DNAH2: variants seen among roughly 807,000 people sequenced by gnomAD.
DNAH2 encodes the protein dynein axonemal heavy chain 2, also known as axonemal beta dynein heavy chain 2.
In DNAH2, 323 loss-of-function variants were observed where a neutral mutation model predicts 523.5. The ratio of observed to expected loss-of-function variants is 0.62; its 90% CI spans 0.56 to 0.68. The LOEUF (loss-of-function observed/expected upper bound fraction) is 0.68, where lower values mean the gene tolerates loss of function less well. Ranked by LOEUF, DNAH2 falls within the 30% of genes least tolerant of loss-of-function variation. DNAH2 has a pLI of 0.00. For missense variants in DNAH2, 4,907 were observed against 5,701.5 expected (o/e 0.86, Z 4.49); for synonymous variants, 2,093 against 2,177.4 (o/e 0.96, Z 1.08).
rs1171230156 is a variant in DNAH2, at chr17:7,816,751, C to T, written c.9894+16C>T. The stretch of plus-strand genomic sequence containing the variant: ...GACAGTCCAGGTGAGATCAGCTGTA[C>T]TACCTGGTGTCCTTTCACTCTGCTC... On this transcript the variant is annotated intron_variant, in intron 64 of 85. Coordinates refer to ENST00000572933, the MANE Select transcript of DNAH2 (RefSeq NM_020877.5). The T allele has an allele frequency of 2.5e-6, 4 of 1,611,926 alleles. No individual in the cohort carries two copies. The highest frequency in any genetic ancestry group is 2.2e-5 in the East Asian group (1 of 44,852).
At chr17:7,776,623 C>T (rs2076460153) in intron 31 of DNAH2, among the ~76,000 whole-genome samples, 156 bp from the exon 32 acceptor site, 1 of 152,210 alleles carries the variant, frequency 6.6e-6, no homozygotes, top group African/African-American at 2.4e-5. Flanking sequence ...AAGCTGGACC[C>T]TTAGCTCCTG....
Position 7,798,100 on chromosome 17 carries a change from G to C in DNAH2, c.8231-57G>C. On this transcript the variant is annotated intron_variant, in intron 53 of 85. Transcript: ENST00000572933. This position sits in a 1 kb window ranked among gnomAD's most constrained non-coding sequence, Gnocchi z 5.5. ...GCCCCAATCCCTAGCCTAGGGCCTGGAGGTCCCCTGAGTTTGCTCAGCCAA... is the reference window on the plus strand; with the variant it reads ...GCCCCAATCCCTAGCCTAGGGCCTGCAGGTCCCCTGAGTTTGCTCAGCCAA... 6.5e-7 allele frequency: 1 copy of C among 1,527,442 alleles called. No homozygotes were observed. The highest frequency in any genetic ancestry group is 8.8e-7 in the Non-Finnish European group (1 of 1,137,060). 94.6% of individuals were successfully genotyped at this position (1,527,442 alleles called of 1,614,324 possible). A position where few individuals can be genotyped will look rare whatever the true frequency, so the allele number is the denominator to read the frequency against.
chr17:7,756,296 G>A (rs1015543594), intron 12 of DNAH2, among the ~76,000 whole-genome samples: 8 of 151,210 alleles, frequency 5.3e-5, no homozygotes, highest in Non-Finnish European at 8.8e-5. Flanking sequence ...TTTATTTTGA[G>A]ACAGAATCTA....
chr17:7,808,776 A>G (rs1469746425), intron 63 of DNAH2, among the ~76,000 whole-genome samples: 1 of 152,024 alleles, frequency 6.6e-6, no homozygotes, highest in Admixed American at 6.6e-5. Flanking sequence ...CGCCCGGCTG[A>G]TTTTTGTATT....
chr17:7,754,652 C>T lies in DNAH2; in HGVS notation c.1905-2439C>T. On this transcript the variant is annotated intron_variant, in intron 12 of 85. Transcript: ENST00000572933. The surrounding 1 kb of genome is among the most constrained non-coding windows in gnomAD (Gnocchi z 4.6). ...TTAAGCCCAAGATCCCAAAGGGTGTCAGCCATAAACTTGATCGACTTGCCT... is the reference window on the plus strand; with the variant it reads ...TTAAGCCCAAGATCCCAAAGGGTGTTAGCCATAAACTTGATCGACTTGCCT... 1 of 1,387,422 alleles carries T rather than the reference C, an allele frequency of 7.2e-7. No homozygotes were observed. The highest frequency in any genetic ancestry group is 1.0e-6 in the Non-Finnish European group (1 of 990,720). 85.9% of individuals were successfully genotyped at this position (1,387,422 alleles called of 1,614,324 possible).
At chr17:7,823,255 T>C (rs1001962751) in intron 73 of DNAH2, among the ~76,000 whole-genome samples, 187 bp from the exon 74 acceptor site, 2 of 149,292 alleles carry the variant, frequency 1.3e-5, no homozygotes, top group Admixed American at 6.7e-5. Flanking sequence ...GATTGTGCCA[T>C]TGCACTCTGG....
intron 58 of DNAH2, among the ~76,000 whole-genome samples, chr17:7,803,203 G>A (rs535513729): frequency 6.6e-6 from 1 of 152,182 alleles, no homozygotes; most frequent in African/African-American, 2.4e-5. Flanking sequence ...TACACCCGCC[G>A]CTTCTGATGC....
At chr17:7,793,297 T>A in intron 48 of DNAH2, 92 bp downstream of exon 48, 2 of 1,315,960 alleles carry the variant, frequency 1.5e-6, no homozygotes, top group Admixed American at 2.3e-5. Flanking sequence ...TATGGTCCTG[T>A]CATCTTGGAT....
intron 42 of DNAH2, 44 bp downstream of exon 42, chr17:7,787,077 C>T: frequency 6.2e-7 from 1 of 1,607,602 alleles, no homozygotes; most frequent in Non-Finnish European, 8.5e-7. Flanking sequence ...GAGGCAGGCA[C>T]CGGAGGGCGT....
chr17:7,732,006 G>A (rs1360979533), intron 4 of DNAH2, among the ~76,000 whole-genome samples: 1 of 144,110 alleles, frequency 6.9e-6, no homozygotes, highest in East Asian at 2.0e-4. Context: ...TCCAGCCTGG[G>A]CAACAACAGC....
chr17:7,793,524 CTCTTTCTTTCTT>C lies in DNAH2; in HGVS notation c.7569+321_7569+332del, dbSNP rs879547420. On this transcript the variant is annotated intron_variant, in intron 48 of 85. Transcript: ENST00000572933. ...CTTTCTTTCTTTCTTTCTTCTCTTT[CTCTTTCTTTCTT>C]TTTCTTTCTTCTCTTTCTTTCTCTT... Among the ~76,000 whole-genome samples the C allele has an allele frequency of 8.4e-3, 852 of 101,398 alleles. 16 individuals carry two copies. Among genetic ancestry groups the C allele is most frequent in the Non-Finnish European group, 0.011 (489 of 42,710 alleles). 66.5% of individuals were successfully genotyped at this position (101,398 alleles called of 152,430 possible).
At chr17:7,772,111 C>T (rs571678964) in intron 28 of DNAH2, among the ~76,000 whole-genome samples, 2 of 152,204 alleles carry the variant, frequency 1.3e-5, no homozygotes, top group Non-Finnish European at 2.9e-5. Context: ...AAGATGAACA[C>T]ATAGTGAGGC....
At chr17:7,723,107 C>A (rs2074674606) in intron 2 of DNAH2, among the ~76,000 whole-genome samples, 1 of 149,964 alleles carries the variant, frequency 6.7e-6, no homozygotes, top group African/African-American at 2.5e-5. Context: ...GTAGCTGGGA[C>A]TACAGGCTCC....
chr17:7,742,871 T>C, intron 11 of DNAH2, 57 bp from the exon 12 acceptor site: 1 of 1,269,438 alleles, frequency 7.9e-7, no homozygotes, highest in Non-Finnish European at 1.0e-6. Context: ...AGGGAGATGG[T>C]GGCCCCTGGA....
In DNAH2 at chr17:7,734,325, C is replaced by A. The variant is rs184328944; in HGVS notation, c.739+32C>A. The A allele has an allele frequency of 3.8e-5, 61 of 1,604,098 alleles. No individual in the cohort carries two copies. In the East Asian group the frequency reaches 1.1e-3, roughly 30 times the overall value. On this transcript the variant is annotated intron_variant, in intron 6 of 85. Transcript: ENST00000572933. ...GGCTGGCACTGCTAGCATCACCTGGCGATCACAGGGGAGAGGGAAAGGGGA... is the reference window on the plus strand; with the variant it reads ...GGCTGGCACTGCTAGCATCACCTGGAGATCACAGGGGAGAGGGAAAGGGGA...
intron 85 of DNAH2, 70 bp downstream of exon 85, chr17:7,833,291 C>T (rs565422270): frequency 1.2e-6 from 2 of 1,607,088 alleles, no homozygotes; most frequent in Admixed American, 1.7e-5. Flanking sequence ...TTCTCTGCTC[C>T]AGCCCATCCC....
At chr17:7,827,738 G>A (rs548389846) in intron 77 of DNAH2, among the ~76,000 whole-genome samples, 7 of 128,748 alleles carry the variant, frequency 5.4e-5, no homozygotes, top group South Asian at 2.8e-4. Context: ...CAGCCACTGC[G>A]CCCAGCCAAT....
chr17:7,751,346 G>C (rs563844822), intron 12 of DNAH2, among the ~76,000 whole-genome samples: 2 of 151,952 alleles, frequency 1.3e-5, no homozygotes, highest in Non-Finnish European at 2.9e-5. Context: ...ACCCACCTTG[G>C]CCTTCTAAAA....
In DNAH2 at chr17:7,734,585, C is replaced by T; in HGVS notation, c.855C>T (p.Cys285=). ...AGATTGAGTTCTGGCGCAACCGATG[C>T]ATGGACCTGTCTGGCATCAGTAAGC... is the stretch of plus-strand genomic sequence containing the variant. ...LEEIEFWRNR[C]MDLSGISKQL... Residue 285 remains cysteine, a synonymous_variant, in exon 7 of 86, where the codon TGC becomes TGT. Coordinates refer to ENST00000572933, the MANE Select transcript of DNAH2 (RefSeq NM_020877.5). 1 of 1,613,720 alleles carries T rather than the reference C, an allele frequency of 6.2e-7. No individual in the cohort carries two copies. Among genetic ancestry groups the T allele is most frequent in the Non-Finnish European group, 8.5e-7 (1 of 1,179,984 alleles).
Sources: allele counts gnomAD v4.1 joint callset (sites outside exome capture counted in the v4.1 genomes callset), GRCh38; gene constraint gnomAD v4.1.1; non-coding constraint Gnocchi (gnomAD v3.1); transcripts MANE v1.5; gene names NCBI Gene and HGNC (gene_info 2026-07-23, HGNC 2026-07-21).